The following CCDC91 variants were observed in gnomAD, a reference collection of about 807,000 sequenced individuals.
CCDC91 encodes the protein coiled-coil domain containing 91.
Under a neutral mutation model 63.2 loss-of-function variants are expected in CCDC91, and 48 were observed. The observed-to-expected ratio is 0.76, with a 90% CI of 0.60 to 0.97. The LOEUF is 0.97. CCDC91 is among the 50% of genes least tolerant of loss of function. The pLI, the probability that CCDC91 is intolerant of heterozygous loss-of-function variation, is 0.00. For missense variants in CCDC91, 500 were observed against 494.6 expected (o/e 1.01, Z -0.10); for synonymous variants, 167 against 165.8 (o/e 1.01, Z -0.06).
intron 6 of CCDC91, among the ~76,000 whole-genome samples, chr12:28,321,950 A>G (rs7137024): frequency 0.91 from 138,298 of 151,538 alleles, 64,335 homozygotes; most frequent in East Asian, 1. Context: ...ATAGTGATAC[A>G]TATATCACTA....
intron 12 of CCDC91, among the ~76,000 whole-genome samples, chr12:28,535,240 A>G (rs1304299750): frequency 6.6e-6 from 1 of 152,200 alleles, no homozygotes; most frequent in Non-Finnish European, 1.5e-5. Flanking sequence ...CTGGAACTAC[A>G]TCAGCAAAAC....
At chr12:28,465,972 T>A (rs1566017268) in intron 11 of CCDC91, among the ~76,000 whole-genome samples, 1 of 151,980 alleles carries the variant, frequency 6.6e-6, no homozygotes. Flanking sequence ...ACAAAGAGAT[T>A]GAAATAGTTA....
intron 1 of CCDC91, among the ~76,000 whole-genome samples, chr12:28,209,196 T>C (rs1454305401): frequency 6.6e-6 from 1 of 152,204 alleles, no homozygotes; most frequent in Admixed American, 6.5e-5. Context: ...TCAATCCCAA[T>C]TTTTAATAAA....
intron 6 of CCDC91, among the ~76,000 whole-genome samples, chr12:28,330,196 C>T (rs1941380594): frequency 6.6e-6 from 1 of 152,160 alleles, no homozygotes; most frequent in South Asian, 2.1e-4. Context: ...GCCACACTGT[C>T]TTCCACAATG....
chr12:28,259,391 G>A lies in CCDC91; in HGVS notation c.58G>A (p.Gly20Ser). The part of the protein sequence containing the change: ...EAAETFDGGS[G>S]ETQTTSPAIP... ...TGCGGAGACTTTTGATGGTGGAAGT[G>A]GTGAAACCCAAACAACATCTCCTGC... Residue 20 changes from glycine (G) to serine (S), a missense_variant, in exon 3 of 13, where the codon GGT becomes AGT. Physicochemically the swap from Gly to Ser is moderately conservative, Grantham distance 56. Coordinates refer to ENST00000536442, the MANE Select transcript of CCDC91 (RefSeq NM_018318.5). The A allele has an allele frequency of 6.2e-7, 1 of 1,611,572 alleles. No homozygotes were observed. The highest frequency in any genetic ancestry group is 8.5e-7 in the Non-Finnish European group (1 of 1,178,500).
rs184104656 is a variant in CCDC91 at position 28,477,421 on chromosome 12, C to T, written c.1102-6631C>T. ...AAGGCCTTTGACAAAATTCAACAAC[C>T]CTTCATGCTAAAAACTCTCAATAAA... On this transcript the variant is annotated intron_variant, in intron 11 of 12. Coordinates refer to ENST00000536442, the MANE Select transcript of CCDC91 (RefSeq NM_018318.5). Among the ~76,000 whole-genome samples, 25 of 152,130 alleles carry T rather than the reference C, an allele frequency of 1.6e-4. No homozygotes were observed. In the East Asian group the frequency reaches 2.5e-3, roughly 15 times the overall value.
intron 7 of CCDC91, among the ~76,000 whole-genome samples, chr12:28,388,223 ATTGT>A (rs1945723203): frequency 6.6e-6 from 1 of 151,912 alleles, no homozygotes; most frequent in African/African-American, 2.4e-5. Context: ...TTTTGATGGG[ATTGT>A]TTATTTTTTT....
At chr12:28,380,724 G>A (rs776669839) in intron 7 of CCDC91, among the ~76,000 whole-genome samples, 3 of 152,020 alleles carry the variant, frequency 2.0e-5, no homozygotes, top group Non-Finnish European at 4.4e-5. Context: ...TGATTATACA[G>A]TAGCATTTGT....
intron 1 of CCDC91, among the ~76,000 whole-genome samples, chr12:28,240,739 G>A (rs1480572138): frequency 2.0e-5 from 3 of 152,010 alleles, no homozygotes; most frequent in Non-Finnish European, 2.9e-5. Flanking sequence ...CAGTGGTAGA[G>A]ATGTGGCACA....
chr12:28,388,498 A>G (rs1276948744), intron 7 of CCDC91, among the ~76,000 whole-genome samples: 1 of 152,154 alleles, frequency 6.6e-6, no homozygotes. Context: ...CAAGAACTCA[A>G]CCCCTTTTAC....
chr12:28,379,183 A>C (rs1467665065), intron 7 of CCDC91, among the ~76,000 whole-genome samples: 1 of 151,948 alleles, frequency 6.6e-6, no homozygotes, highest in Non-Finnish European at 1.5e-5. Context: ...AGATGTGTAG[A>C]GTTTACATAA....
intron 1 of CCDC91, among the ~76,000 whole-genome samples, chr12:28,203,656 T>C (rs1942630831): frequency 6.6e-6 from 1 of 152,218 alleles, no homozygotes; most frequent in Admixed American, 6.5e-5. Context: ...TAGGAATTTA[T>C]ACATGTAGAA....
At chr12:28,352,854 C>T (rs1277683310) in intron 6 of CCDC91, among the ~76,000 whole-genome samples, 2 of 152,174 alleles carry the variant, frequency 1.3e-5, no homozygotes, top group African/African-American at 4.8e-5. Flanking sequence ...GCATTGGCTT[C>T]CACTTAAAGT....
At chr12:28,217,690 A>G (rs1323126205) in intron 1 of CCDC91, among the ~76,000 whole-genome samples, 1 of 152,062 alleles carries the variant, frequency 6.6e-6, no homozygotes, top group East Asian at 1.9e-4. Flanking sequence ...AAGTATGGGC[A>G]TGATGAAGGC....
intron 6 of CCDC91, among the ~76,000 whole-genome samples, chr12:28,358,160 T>C (rs976991789): frequency 1.3e-5 from 2 of 152,152 alleles, no homozygotes. Context: ...TCTCCCTCAT[T>C]TAACAGATAG....
chr12:28,519,765 T>C, intron 12 of CCDC91, among the ~76,000 whole-genome samples: 1 of 126,500 alleles, frequency 7.9e-6, no homozygotes, highest in East Asian at 2.5e-4. Context: ...TTCCCCTTCC[T>C]GTGTCCAAGT....
At chr12:28,226,293 G>T (rs1180410804) in intron 1 of CCDC91, 1 of 152,106 alleles carries the variant, frequency 6.6e-6, no homozygotes, top group East Asian at 1.9e-4. Flanking sequence ...TTTTTAACTG[G>T]GTGAATAACA....
At chr12:28,335,958 AAAAC>A (rs1217917720) in intron 6 of CCDC91, among the ~76,000 whole-genome samples, 1 of 151,958 alleles carries the variant, frequency 6.6e-6, no homozygotes, top group Non-Finnish European at 1.5e-5. Flanking sequence ...TTTTTAAAAA[AAAAC>A]CACACAATTT....
intron 6 of CCDC91, among the ~76,000 whole-genome samples, chr12:28,346,517 G>A (rs149450678): frequency 2.6e-5 from 4 of 152,212 alleles, no homozygotes; most frequent in Non-Finnish European, 4.4e-5. Flanking sequence ...AACTCTAACC[G>A]TCCCTTCAGT....
Sources: gnomAD v4.1 joint callset for allele counts (sites outside exome capture counted in the v4.1 genomes callset) on GRCh38, gnomAD v4.1.1 for gene constraint, MANE v1.5 for transcripts, NCBI Gene and HGNC (gene_info 2026-07-23, HGNC 2026-07-21) for gene names.